Variants in GOLGA4 observed in about 807,000 individuals in gnomAD.
GOLGA4 encodes the protein golgin A4.
Under a neutral mutation model 265.9 loss-of-function variants are expected in GOLGA4, and 169 were observed. That is an observed-to-expected ratio of 0.64 (90% CI 0.56 to 0.72). The LOEUF (loss-of-function observed/expected upper bound fraction) is 0.72. Ranked by LOEUF, GOLGA4 falls within the 30% of genes least tolerant of loss-of-function variation. GOLGA4 has a pLI of 0.00. For synonymous variants in GOLGA4, 923 were observed against 855.8 expected (o/e 1.08, Z -1.37); for missense variants, 2,482 against 2,483.4 (o/e 1.00, Z 0.01).
chr3:37,329,218 A>G, intron 16 of GOLGA4, 125 bp downstream of exon 16: 4 of 685,664 alleles, frequency 5.8e-6, no homozygotes, highest in Non-Finnish European at 9.5e-6. Context: ...TTGACTCAAT[A>G]TTATTCAAAT....
intron 2 of GOLGA4, among the ~76,000 whole-genome samples, chr3:37,274,535 A>T (rs1401080183): frequency 6.6e-6 from 1 of 152,102 alleles, no homozygotes; most frequent in East Asian, 1.9e-4. Flanking sequence ...CTACTAAAAA[A>T]ATACAAAAAT....
chr3:37,360,282 C>T (rs2097101042), intron 22 of GOLGA4, among the ~76,000 whole-genome samples: 1 of 152,024 alleles, frequency 6.6e-6, no homozygotes, highest in Non-Finnish European at 1.5e-5. Flanking sequence ...CAGTTTAGTT[C>T]ACCAGTTTCC....
At chr3:37,257,169 C>G (rs2096751130) in intron 2 of GOLGA4, among the ~76,000 whole-genome samples, 1 of 152,046 alleles carries the variant, frequency 6.6e-6, no homozygotes, top group Non-Finnish European at 1.5e-5. Context: ...TGGAATCATT[C>G]GATATGTTAC....
intron 10 of GOLGA4, among the ~76,000 whole-genome samples, chr3:37,311,798 T>C (rs558364801): frequency 6.6e-6 from 1 of 152,330 alleles, no homozygotes. Flanking sequence ...TTTAGTGGAT[T>C]AAACACTAAA....
At chr3:37,311,531 A>C (rs73825070) in intron 10 of GOLGA4, among the ~76,000 whole-genome samples, 154 of 152,338 alleles carry the variant, frequency 1.0e-3, no homozygotes, top group African/African-American at 3.1e-3. Flanking sequence ...TCGTTGCTTA[A>C]AGCCAATTTT....
intron 5 of GOLGA4, among the ~76,000 whole-genome samples, chr3:37,293,988 G>T (rs1455358712): frequency 6.6e-6 from 1 of 152,096 alleles, no homozygotes; most frequent in African/African-American, 2.4e-5. Context: ...CATAGAAAAA[G>T]CCCTGTAAAA....
chr3:37,258,484 C>T (rs1485141127), intron 2 of GOLGA4, among the ~76,000 whole-genome samples: 1 of 152,012 alleles, frequency 6.6e-6, no homozygotes, highest in Non-Finnish European at 1.5e-5. Context: ...TGTGCCACCA[C>T]ACCCAGCTAA....
At position 37,335,104 on chromosome 3, in the gene GOLGA4, G is replaced by A. The variant is rs1220882187; in HGVS notation, c.6244G>A (p.Glu2082Lys). 1 of 1,610,448 alleles carries A rather than the reference G, an allele frequency of 6.2e-7. No homozygotes were observed. Among genetic ancestry groups the A allele is most frequent in the Admixed American group, 1.7e-5 (1 of 59,708 alleles). The change falls in exon 17 of 24, where the codon GAG becomes AAG. Residue 2082 changes from glutamate to lysine, a missense_variant. Transcript: ENST00000361924. ...AKVRDLQTQL[E>K]ELQKKYQQKL... ...AGTAAGGGACCTGCAGACTCAACTT[G>A]AGGAGCTGCAGAAGAAATACCAGCA...
intron 5 of GOLGA4, among the ~76,000 whole-genome samples, chr3:37,291,299 C>G (rs944283038): frequency 3.3e-5 from 5 of 152,044 alleles, no homozygotes; most frequent in African/African-American, 1.2e-4. Context: ...ATGCTCAGCC[C>G]TTCTCCACTA....
At chr3:37,281,590 G>A (rs1271477062) in intron 2 of GOLGA4, among the ~76,000 whole-genome samples, 1 of 152,186 alleles carries the variant, frequency 6.6e-6, no homozygotes, top group Non-Finnish European at 1.5e-5. Flanking sequence ...TATGGAGATG[G>A]TCACTACCTT....
intron 7 of GOLGA4, among the ~76,000 whole-genome samples, chr3:37,298,334 C>A (rs1392771407): frequency 2.0e-5 from 3 of 152,108 alleles, no homozygotes; most frequent in African/African-American, 7.2e-5. Flanking sequence ...GAGATGATAT[C>A]ATAGGGAATC....
At position 37,326,604 on chromosome 3, in the gene GOLGA4, GAGA is replaced by G. The variant is rs1374297222; in HGVS notation, c.4723_4725del (p.Glu1575del). 1.9e-6 allele frequency: 3 copies of G among 1,613,126 alleles called. No individual in the cohort carries two copies. The highest frequency in any genetic ancestry group is 2.5e-6 in the Non-Finnish European group (3 of 1,179,632). On this transcript the variant is annotated inframe_deletion, in exon 14 of 24. Transcript: ENST00000361924. ...AAACTTCAACATTTTCAAGAGTTAG[GAGA>G]AGAAAAGGACAACAGGGTTAAAGAA...
chr3:37,355,179 C>T lies in GOLGA4; in HGVS notation c.6655C>T (p.Arg2219Trp), dbSNP rs1019151709. Residue 2219 changes from arginine to tryptophan, a missense_variant, in exon 22 of 24, where the codon CGG becomes TGG. Arg to Trp is a moderately radical substitution (Grantham distance 101). Transcript: ENST00000361924. Reference protein sequence around the residue: ...TQKILEREDARLMFTSPRSGI... With the variant: ...TQKILEREDAWLMFTSPRSGI... ...GAAAATTTTGGAAAGAGAAGATGCT[C>T]GGCTGATGGTAAGTTCTGGAAGTGG... 12 of 1,563,482 alleles carry T rather than the reference C, an allele frequency of 7.7e-6. No individual in the cohort carries two copies. Among genetic ancestry groups the T allele is most frequent in the South Asian group, 4.4e-5 (4 of 90,006 alleles).
At chr3:37,316,675 G>A (rs756726464) in intron 11 of GOLGA4, among the ~76,000 whole-genome samples, 5 of 151,988 alleles carry the variant, frequency 3.3e-5, no homozygotes, top group Non-Finnish European at 5.9e-5. Flanking sequence ...ATAGACATAT[G>A]GTATAAAAAT....
chr3:37,289,657 G>C (rs1017844039), intron 5 of GOLGA4, among the ~76,000 whole-genome samples: 10 of 152,098 alleles, frequency 6.6e-5, no homozygotes, highest in Non-Finnish European at 1.3e-4. Context: ...TGAGGGGGGT[G>C]GGTAATTTTT....
chr3:37,295,346 G>A (rs1274440503), intron 6 of GOLGA4, among the ~76,000 whole-genome samples: 3 of 152,104 alleles, frequency 2.0e-5, no homozygotes, highest in Non-Finnish European at 4.4e-5. Flanking sequence ...TGCCTCCAGA[G>A]TGGCTGGGAA....
At chr3:37,284,676 T>C (rs1203316731) in intron 3 of GOLGA4, among the ~76,000 whole-genome samples, 7 of 151,704 alleles carry the variant, frequency 4.6e-5, no homozygotes, top group Admixed American at 4.6e-4. Context: ...TTTTTTTTTT[T>C]TTTTTGAGAT....
intron 7 of GOLGA4, 99 bp downstream of exon 7, chr3:37,296,318 G>T: frequency 8.4e-7 from 1 of 1,186,810 alleles, no homozygotes; most frequent in Non-Finnish European, 1.2e-6. Flanking sequence ...GGCCAGTGTG[G>T]GAGGATCGCT....
At chr3:37,270,789 G>A (rs1210826481) in intron 2 of GOLGA4, among the ~76,000 whole-genome samples, 1 of 152,024 alleles carries the variant, frequency 6.6e-6, no homozygotes, top group Non-Finnish European at 1.5e-5. Flanking sequence ...ATGAACTGGG[G>A]GCACAGGGAT....
Sources: gnomAD v4.1 joint callset for allele counts (sites outside exome capture counted in the v4.1 genomes callset) on GRCh38, gnomAD v4.1.1 for gene constraint, MANE v1.5 for transcripts, NCBI Gene and HGNC (gene_info 2026-07-23, HGNC 2026-07-21) for gene names.